DIXDC1: variants seen among roughly 807,000 people sequenced by gnomAD.
DIXDC1 encodes the protein dixin.
In DIXDC1, 64 loss-of-function variants were observed where a neutral mutation model predicts 103.1. The ratio of observed to expected loss-of-function variants is 0.62; its 90% CI spans 0.51 to 0.76. The LOEUF is 0.76. Among genes scored for constraint, DIXDC1 ranks in the 30% least tolerant of loss-of-function variants. The pLI, the probability that DIXDC1 is intolerant of heterozygous loss-of-function variation, is 0.00. For synonymous variants in DIXDC1, 266 were observed against 298.5 expected (o/e 0.89, Z 1.12); for missense variants, 759 against 834.2 (o/e 0.91, Z 1.11).
intron 5 of DIXDC1, chr11:111,975,331 C>G: frequency 8.9e-7 from 1 of 1,121,622 alleles, no homozygotes; most frequent in Non-Finnish European, 1.1e-6. Flanking sequence ...TTCCATTGTG[C>G]TGTCCTTGAG....
intron 1 of DIXDC1, among the ~76,000 whole-genome samples, chr11:111,945,453 C>G (rs1407930258): frequency 3.3e-5 from 5 of 152,160 alleles, no homozygotes; most frequent in Admixed American, 2.6e-4. Context: ...ACTGTGTGCA[C>G]AGAGGAGGGT....
chr11:111,990,104 A>G (rs77006638), intron 10 of DIXDC1, among the ~76,000 whole-genome samples: 1 of 69,570 alleles, frequency 1.4e-5, no homozygotes, highest in African/African-American at 5.6e-5. Flanking sequence ...TTTTTTTTTA[A>G]TGTTGACATG....
At chr11:111,969,376 A>G (rs1427653885) in intron 3 of DIXDC1, among the ~76,000 whole-genome samples, 1 of 152,146 alleles carries the variant, frequency 6.6e-6, no homozygotes, top group African/African-American at 2.4e-5. Flanking sequence ...GGGTTTCATG[A>G]CAAAATATTA....
In DIXDC1 at chr11:111,989,624, G is replaced by GAAA. The variant is rs782001947; in HGVS notation, c.1113+569_1113+570insAAA. 4.0e-5 allele frequency among the ~76,000 whole-genome samples: 2 copies of GAAA among 49,460 alleles called. 1 individual carries two copies. Among genetic ancestry groups the GAAA allele is most frequent in the Non-Finnish European group, 7.4e-5 (2 of 27,070 alleles). 32.4% of individuals were successfully genotyped at this position (49,460 alleles called of 152,430 possible). A position where few individuals can be genotyped will look rare whatever the true frequency, so the allele number is the denominator to read the frequency against. On this transcript the variant is annotated intron_variant, in intron 10 of 19. Transcript: ENST00000440460. ...AGGTGACAGGGTGAGACTCCGTCTC[G>GAAA]GAAAAAAAAAAAAAAAAGGAATGTC...
intron 2 of DIXDC1, among the ~76,000 whole-genome samples, chr11:111,967,619 C>T (rs587658199): frequency 2.5e-4 from 38 of 152,252 alleles, no homozygotes; most frequent in African/African-American, 8.9e-4. Context: ...TTTGTAGAGA[C>T]GGGGTTTTCA....
intron 17 of DIXDC1, among the ~76,000 whole-genome samples, chr11:111,999,546 C>G (rs782450542): frequency 9.2e-5 from 14 of 152,112 alleles, no homozygotes; most frequent in African/African-American, 1.2e-4. Context: ...CTTAGGACAT[C>G]AAAAGCATGA....
chr11:112,001,242 T>C (rs1861055666), intron 17 of DIXDC1, among the ~76,000 whole-genome samples: 1 of 152,110 alleles, frequency 6.6e-6, no homozygotes, highest in South Asian at 2.1e-4. Flanking sequence ...ATGTCCAGAA[T>C]AGGCAAATCC....
chr11:111,964,636 C>CTCCG lies in DIXDC1; in HGVS notation c.149_152dup (p.Asp52ProfsTer27). ...GCCTGTGCAGGACCTGCGACAAGATCTCCGGGATGGGGTGATCCTGGCATA... is the reference window on the plus strand; with the variant it reads ...GCCTGTGCAGGACCTGCGACAAGATCTCCGTCCGGGATGGGGTGATCCTGGCATA... On this transcript the variant is annotated frameshift_variant, in exon 2 of 20. Coordinates refer to ENST00000440460, the MANE Select transcript of DIXDC1 (RefSeq NM_001037954.4). LOFTEE classifies it high-confidence loss of function. 1.2e-6 allele frequency: 2 copies of CTCCG among 1,612,256 alleles called. No individual in the cohort carries two copies. The highest frequency in any genetic ancestry group is 1.7e-6 in the Non-Finnish European group (2 of 1,179,332).
In DIXDC1 at chr11:112,017,935, C is replaced by T. The variant is rs1861647037; in HGVS notation, c.1971+50C>T. Reference sequence around the variant, plus strand: ...ATGGTATTATTGGTCCTTTCTGAACCCTGAAGCCTCCTGTTCAAGCACTAG... The same window carrying T: ...ATGGTATTATTGGTCCTTTCTGAACTCTGAAGCCTCCTGTTCAAGCACTAG... On this transcript the variant is annotated intron_variant, in intron 19 of 19. Coordinates refer to ENST00000440460, the MANE Select transcript of DIXDC1 (RefSeq NM_001037954.4). This position sits in a 1 kb window ranked among gnomAD's most constrained non-coding sequence, Gnocchi z 4.0. 7.1e-7 allele frequency: 1 copy of T among 1,415,488 alleles called. No homozygotes were observed. Among genetic ancestry groups the T allele is most frequent in the South Asian group, 1.2e-5 (1 of 80,490 alleles). 87.7% of individuals were successfully genotyped at this position (1,415,488 alleles called of 1,614,324 possible).
At position 111,927,564 on chromosome 11, in the gene DIXDC1, T is replaced by G. The variant is rs587683865; in HGVS notation, c.-37+177T>G. On this transcript the variant is annotated intron_variant, in intron 1 of 5. Transcript: ENST00000529225. ...GTGTGCAGTTTTCTGCTTCAGACTT[T>G]CAGAGCTTAGAGAGGAGGGGTAACG... Among the ~76,000 whole-genome samples, 76 of 152,132 alleles carry G rather than the reference T, an allele frequency of 5.0e-4. 1 individual carries two copies. Among genetic ancestry groups the G allele is most frequent in the South Asian group, 1.7e-3 (8 of 4,816 alleles).
Position 111,937,424 on chromosome 11 carries a change from T to C in DIXDC1, c.-76T>C. On this transcript the variant is annotated 5_prime_UTR_variant, in exon 1 of 20. Transcript: ENST00000440460. ...CAATGAGCTGAGCCGAGAGCCTTTG[T>C]GTGCAGAGGGAGGAGGAGGAGGCGG... 2 of 1,537,398 alleles carry C rather than the reference T, an allele frequency of 1.3e-6. No homozygotes were observed. Among genetic ancestry groups the C allele is most frequent in the Non-Finnish European group, 1.8e-6 (2 of 1,141,766 alleles).
intron 1 of DIXDC1, among the ~76,000 whole-genome samples, chr11:111,951,976 C>T (rs782710141): frequency 2.0e-5 from 3 of 151,902 alleles, no homozygotes; most frequent in Non-Finnish European, 4.4e-5. Context: ...AGCGGTTCTC[C>T]TACCTCAGCC....
rs1555178473 is a variant in DIXDC1 at position 112,021,461 on chromosome 11, C to G, written c.*2425C>G. 1 of 152,128 alleles carries G rather than the reference C, an allele frequency of 6.6e-6. No homozygotes were observed. The highest frequency in any genetic ancestry group is 2.4e-5 in the African/African-American group (1 of 41,430). 9.4% of individuals were successfully genotyped at this position (152,128 alleles called of 1,614,324 possible). On this transcript the variant is annotated 3_prime_UTR_variant, in exon 20 of 20. Coordinates refer to ENST00000440460, the MANE Select transcript of DIXDC1 (RefSeq NM_001037954.4). The stretch of plus-strand genomic sequence containing the variant: ...CTGTTTGGAACAGTTTCCTATTTGG[C>G]TGCATTCTAGGAGGCCTCCTGACTT...
At chr11:112,002,652 G>T in intron 17 of DIXDC1, among the ~76,000 whole-genome samples, 1 of 152,108 alleles carries the variant, frequency 6.6e-6, no homozygotes, top group East Asian at 1.9e-4. Context: ...GGTGGACATG[G>T]TGGCACACAC....
chr11:111,949,626 A>G (rs1346293762), intron 1 of DIXDC1, among the ~76,000 whole-genome samples: 1 of 152,066 alleles, frequency 6.6e-6, no homozygotes, highest in Non-Finnish European at 1.5e-5. Context: ...CTGTTTCACA[A>G]CTTCACACTT....
intron 17 of DIXDC1, among the ~76,000 whole-genome samples, chr11:112,014,472 C>T (rs1861526309): frequency 6.6e-6 from 1 of 152,168 alleles, no homozygotes; most frequent in Admixed American, 6.5e-5. Flanking sequence ...TCTTGGAATA[C>T]TCTTTTCAAC....
chr11:111,965,019 C>T (rs996221622), intron 2 of DIXDC1, among the ~76,000 whole-genome samples: 2 of 152,100 alleles, frequency 1.3e-5, no homozygotes, highest in African/African-American at 4.8e-5. Flanking sequence ...ATAGGAGGGA[C>T]ACCCAGCCCA....
chr11:111,975,450 G>A (rs1555172504), intron 5 of DIXDC1: 4 of 1,007,800 alleles, frequency 4.0e-6, no homozygotes, highest in Admixed American at 1.1e-4. Flanking sequence ...TTCCTCTACA[G>A]GAACTGTGGC....
rs1860171450 is a variant in DIXDC1 at position 111,977,925 on chromosome 11, A to G, written c.657-2812A>G. On this transcript the variant is annotated intron_variant, in intron 5 of 19. Coordinates refer to ENST00000440460, the MANE Select transcript of DIXDC1 (RefSeq NM_001037954.4). The surrounding 1 kb of genome is among the most constrained non-coding windows in gnomAD (Gnocchi z 6.1). ...ATGTTGGGAGGACCGGCTGCTGACC[A>G]GGGGTTATCACTATAAAATACGGTG... The G allele has an allele frequency of 2.3e-6, 3 of 1,303,080 alleles. No individual in the cohort carries two copies. Among genetic ancestry groups the G allele is most frequent in the Non-Finnish European group, 3.1e-6 (3 of 974,140 alleles). 80.7% of individuals were successfully genotyped at this position (1,303,080 alleles called of 1,614,324 possible).
Sources: gnomAD v4.1 joint callset for allele counts (sites outside exome capture counted in the v4.1 genomes callset) on GRCh38, gnomAD v4.1.1 for gene constraint, Gnocchi (gnomAD v3.1) non-coding constraint, MANE v1.5 for transcripts, NCBI Gene and HGNC (gene_info 2026-07-23, HGNC 2026-07-21) for gene names.